Variants in ABCD3 observed in about 807,000 individuals in gnomAD.
The protein encoded by ABCD3 is ATP binding cassette subfamily D member 3.
A neutral mutation model predicts 105.5 loss-of-function variants in ABCD3; 41 were observed. That is an observed-to-expected ratio of 0.39 (90% CI 0.30 to 0.50). The LOEUF (loss-of-function observed/expected upper bound fraction) is 0.50. ABCD3 is among the 20% of genes least tolerant of loss of function. The pLI, the probability that ABCD3 is intolerant of heterozygous loss-of-function variation, is 0.84. For missense variants in ABCD3, 622 were observed against 806.3 expected (o/e 0.77, Z 2.77); for synonymous variants, 258 against 269.0 (o/e 0.96, Z 0.40).
chr1:94,438,295 C>CACGT (rs1553168347), intron 1 of ABCD3, among the ~76,000 whole-genome samples: 2 of 113,514 alleles, frequency 1.8e-5, no homozygotes, highest in African/African-American at 7.2e-5. Flanking sequence ...CACACACACA[C>CACGT]ACACATACAC....
At chr1:94,412,246 TC>T in the ABCD3 span, among the ~76,000 whole-genome samples, 3 of 152,158 alleles carry the variant, frequency 2.0e-5, no homozygotes, top group African/African-American at 7.2e-5. Flanking sequence ...AGTGAAGTCT[TC>T]CCACCCCTTA....
At chr1:94,437,064 G>T (rs1349727992) in intron 1 of ABCD3, among the ~76,000 whole-genome samples, 1 of 152,160 alleles carries the variant, frequency 6.6e-6, no homozygotes, top group East Asian at 1.9e-4. Context: ...AGCAAAGGTT[G>T]GTTCATGAGG....
intron 10 of ABCD3, 34 bp downstream of exon 10, chr1:94,483,273 G>C (rs1486188413): frequency 6.4e-7 from 1 of 1,558,186 alleles, no homozygotes; most frequent in Non-Finnish European, 8.9e-7. Context: ...ATGTGTTTAT[G>C]GAAAGGGTTT....
chr1:94,433,772 C>T (rs2100895062), intron 1 of ABCD3, among the ~76,000 whole-genome samples: 1 of 152,008 alleles, frequency 6.6e-6, no homozygotes, highest in South Asian at 2.1e-4. Flanking sequence ...TCAGCCTCCC[C>T]TGTAGCTGGG....
At chr1:94,411,604 A>T in the ABCD3 span, among the ~76,000 whole-genome samples, 1 of 152,222 alleles carries the variant, frequency 6.6e-6, no homozygotes, top group South Asian at 2.1e-4. Flanking sequence ...TAAAATTTTT[A>T]AAAGTTTAAA....
rs370064801 is a variant in ABCD3 at position 94,438,231 on chromosome 1, G to A, written c.110+19643G>A. Among the ~76,000 whole-genome samples the A allele has an allele frequency of 1.3e-4, 19 of 151,328 alleles. No homozygotes were observed. The South Asian group carries it at 1.7e-3, about 13-fold the overall frequency. On this transcript the variant is annotated intron_variant, in intron 1 of 22. Coordinates refer to ENST00000370214, the MANE Select transcript of ABCD3 (RefSeq NM_002858.4). ...GAACCTGGGAGGCAGAGGTTGCAGT[G>A]AGCCGAGATCACATCATTGCACTCC...
chr1:94,418,894 A>G (rs1659138267), intron 1 of ABCD3: 3 of 489,640 alleles, frequency 6.1e-6, no homozygotes, highest in East Asian at 7.8e-5. Flanking sequence ...TGGGAGGGGG[A>G]TGCGGTGTGT....
At chr1:94,387,648 G>A in the ABCD3 span, among the ~76,000 whole-genome samples, 1 of 152,170 alleles carries the variant, frequency 6.6e-6, no homozygotes, top group African/African-American at 2.4e-5. Context: ...TGTAGGATCA[G>A]GCATTCATAA....
At chr1:94,512,111 A>G (rs1042267054) in intron 21 of ABCD3, among the ~76,000 whole-genome samples, 2 of 151,692 alleles carry the variant, frequency 1.3e-5, no homozygotes, top group Non-Finnish European at 2.9e-5. Context: ...TTTTTTCCCC[A>G]TCTTTGTGGT....
At chr1:94,457,253 A>G (rs1254331530) in intron 1 of ABCD3, among the ~76,000 whole-genome samples, 2 of 152,232 alleles carry the variant, frequency 1.3e-5, no homozygotes, top group African/African-American at 4.8e-5. Context: ...ACAATTCATA[A>G]AAGATTTTAA....
chr1:94,405,847 G>A, the ABCD3 span, among the ~76,000 whole-genome samples: 1 of 152,048 alleles, frequency 6.6e-6, no homozygotes, highest in Admixed American at 6.5e-5. Flanking sequence ...TATTTGCAAT[G>A]TAGGCTGCAA....
intron 1 of ABCD3, among the ~76,000 whole-genome samples, chr1:94,443,784 G>A (rs1660225070): frequency 6.6e-6 from 1 of 152,104 alleles, no homozygotes; most frequent in South Asian, 2.1e-4. Context: ...ACATCAGTAG[G>A]TTGTAGGTGT....
rs777761655 is a variant in ABCD3 at position 94,475,184 on chromosome 1, G to T, written c.447G>T (p.Glu149Asp). The T allele has an allele frequency of 1.9e-6, 3 of 1,605,928 alleles. No homozygotes were observed. The Middle Eastern group carries it at 5.2e-4, about 276-fold the overall frequency. The change falls in exon 6 of 23, where the codon GAG becomes GAT. Residue 149 changes from glutamate to aspartate, a missense_variant. Glu to Asp is a conservative substitution (Grantham distance 45). This residue lies in a region of ABCD3 where 245 missense variants were observed against 356.4 expected (regional missense o/e 0.69). Coordinates refer to ENST00000370214, the MANE Select transcript of ABCD3 (RefSeq NM_002858.4). ...VNNFLKYGLN[E>D]LKLCFRVRLT... ...ACTTCTTGAAGTATGGGTTAAATGA[G>T]CTTAAACTGTGCTTCCGAGTAAGGC...
At chr1:94,438,875 C>T (rs918037166) in intron 1 of ABCD3, among the ~76,000 whole-genome samples, 1 of 152,138 alleles carries the variant, frequency 6.6e-6, no homozygotes, top group Admixed American at 6.5e-5. Flanking sequence ...AAAATGTTCA[C>T]GTGACCCACT....
At chr1:94,475,520 G>T (rs1236692628) in intron 6 of ABCD3, 94 bp from the exon 7 acceptor site, 1 of 1,333,130 alleles carries the variant, frequency 7.5e-7, no homozygotes. Flanking sequence ...TTGTTTCTAT[G>T]TATTTGAGCT....
chr1:94,482,012 G>A (rs1649050771), intron 9 of ABCD3: 1 of 152,186 alleles, frequency 6.6e-6, no homozygotes, highest in African/African-American at 2.4e-5. Flanking sequence ...AATATTCCAG[G>A]ATGTTTTATC....
chr1:94,490,196 CTAAT>C (rs1399494181), intron 15 of ABCD3, among the ~76,000 whole-genome samples: 3 of 152,058 alleles, frequency 2.0e-5, no homozygotes, highest in East Asian at 3.9e-4. Context: ...TACGTTTTGG[CTAAT>C]TAATTTACCT....
chr1:94,390,375 T>C, the ABCD3 span, among the ~76,000 whole-genome samples: 4 of 152,166 alleles, frequency 2.6e-5, no homozygotes, highest in Non-Finnish European at 5.9e-5. Flanking sequence ...TGACCTGGGC[T>C]CACTGCAACC....
At chr1:94,439,882 A>G (rs946517381) in intron 1 of ABCD3, among the ~76,000 whole-genome samples, 33 of 152,114 alleles carry the variant, frequency 2.2e-4, no homozygotes, top group African/African-American at 7.7e-4. Context: ...TTTAGAGACA[A>G]ACTCTCACTG....
Sources: gnomAD v4.1 joint callset for allele counts (sites outside exome capture counted in the v4.1 genomes callset) on GRCh38, gnomAD v4.1.1 for gene constraint, gnomAD v4.1.1 regional missense constraint, MANE v1.5 for transcripts, NCBI Gene and HGNC (gene_info 2026-07-23, HGNC 2026-07-21) for gene names.